Variants in WAPL observed in about 807,000 individuals in gnomAD.
WAPL encodes WAPL cohesin release factor.
WAPL carries 5 observed loss-of-function variants against 121.0 expected under a neutral mutation model. That is an observed-to-expected ratio of 0.04 (90% CI 0.02 to 0.09). The LOEUF is 0.09. Ranked by LOEUF, WAPL falls within the 10% of genes least tolerant of loss-of-function variation. WAPL has a pLI of 1.00. For synonymous variants in WAPL, 480 were observed against 481.5 expected (o/e 1.00, Z 0.04); for missense variants, 999 against 1,410.8 (o/e 0.71, Z 4.68).
chr10:86,457,851 A>G (rs1228603881), intron 12 of WAPL, among the ~76,000 whole-genome samples: 2 of 152,154 alleles, frequency 1.3e-5, no homozygotes, highest in Non-Finnish European at 2.9e-5. Flanking sequence ...CTGGGGTTAT[A>G]TTTTTTAAAA....
intron 2 of WAPL, among the ~76,000 whole-genome samples, chr10:86,510,658 C>T (rs576537284): frequency 6.6e-6 from 1 of 152,206 alleles, no homozygotes; most frequent in African/African-American, 2.4e-5. Context: ...GAGTAAGAAA[C>T]AAAAGTTCTG....
intron 15 of WAPL, among the ~76,000 whole-genome samples, chr10:86,448,314 G>T (rs1840887174): frequency 6.6e-6 from 1 of 152,028 alleles, no homozygotes. Context: ...AGCCAAACGT[G>T]GTGGCATGTG....
At chr10:86,467,826 G>A (rs777519430) in intron 8 of WAPL, among the ~76,000 whole-genome samples, 3 of 151,912 alleles carry the variant, frequency 2.0e-5, no homozygotes, top group Admixed American at 6.6e-5. Context: ...ACTGGTGTGT[G>A]CCACCACGCC....
chr10:86,499,088 T>C (rs368105986), intron 3 of WAPL, among the ~76,000 whole-genome samples: 12 of 152,208 alleles, frequency 7.9e-5, no homozygotes, highest in African/African-American at 2.7e-4. Context: ...ATTTGTCAAG[T>C]GGAAACATCA....
At chr10:86,488,967 G>A (rs117764600) in intron 4 of WAPL, among the ~76,000 whole-genome samples, 1 of 152,338 alleles carries the variant, frequency 6.6e-6, no homozygotes, top group East Asian at 1.9e-4. Flanking sequence ...CAAGTGATCA[G>A]TTAACATCAG....
At position 86,437,481 on chromosome 10, in the gene WAPL, G is replaced by T; in HGVS notation, c.*62C>A. On this transcript the variant is annotated 3_prime_UTR_variant, in exon 19 of 19. Transcript: ENST00000298767. Reference sequence around the variant, plus strand: ...TCTTCAAGGACTTCTTTCATGACTTGACTTTTCTTTGTCTAAGGATAGCTC... The same window carrying T: ...TCTTCAAGGACTTCTTTCATGACTTTACTTTTCTTTGTCTAAGGATAGCTC... 2 of 1,548,378 alleles carry T rather than the reference G, an allele frequency of 1.3e-6. No individual in the cohort carries two copies. Among genetic ancestry groups the T allele is most frequent in the South Asian group, 2.3e-5 (2 of 85,504 alleles).
intron 15 of WAPL, among the ~76,000 whole-genome samples, chr10:86,451,168 T>C (rs562938796): frequency 7.2e-5 from 11 of 152,192 alleles, no homozygotes; most frequent in Admixed American, 5.2e-4. Flanking sequence ...CTTGAACTCC[T>C]GGACTCAAGT....
chr10:86,499,606 A>T, intron 3 of WAPL, 112 bp downstream of exon 3: 1 of 1,042,954 alleles, frequency 9.6e-7, no homozygotes, highest in African/African-American at 1.6e-5. Flanking sequence ...ATTATACTGT[A>T]CTCACCTCTT....
chr10:86,486,301 C>A lies in WAPL; in HGVS notation c.1644+10900G>T, dbSNP rs772446628. 1.7e-3 allele frequency among the ~76,000 whole-genome samples: 259 copies of A among 152,188 alleles called. 1 individual carries two copies. Among genetic ancestry groups the A allele is most frequent in the Non-Finnish European group, 2.9e-3 (200 of 68,040 alleles). ...AAAGGAAGACACTGTGTGGAAGGAACATTTGTTCTTGGGTGAGATGTGGGA... is the reference window on the plus strand; with the variant it reads ...AAAGGAAGACACTGTGTGGAAGGAAAATTTGTTCTTGGGTGAGATGTGGGA... On this transcript the variant is annotated intron_variant, in intron 4 of 18. Coordinates refer to ENST00000298767, the MANE Select transcript of WAPL (RefSeq NM_015045.5).
rs775106709 is a variant in WAPL, at chr10:86,500,726, G to A, written c.517C>T (p.His173Tyr). Residue 173 changes from histidine to tyrosine, a missense_variant, in exon 3 of 19, where the codon CAT becomes TAT. By Grantham distance (83) the His-to-Tyr change is moderately conservative. Transcript: ENST00000298767. ...LITSDKVENF[H>Y]EEHEKNSHHI... ...TGACTATTCTTTTCATGTTCTTCATGAAAATTCTCCACTTTATCTGTAAAA... is the reference window on the plus strand; with the variant it reads ...TGACTATTCTTTTCATGTTCTTCATAAAAATTCTCCACTTTATCTGTAAAA... 1 of 1,563,346 alleles carries A rather than the reference G, an allele frequency of 6.4e-7. No homozygotes were observed.
At chr10:86,455,711 A>G (rs1372314422) in intron 12 of WAPL, among the ~76,000 whole-genome samples, 25 of 127,868 alleles carry the variant, frequency 2.0e-4, no homozygotes, top group African/African-American at 2.9e-4. Context: ...GAAAGAAAAA[A>G]AAAGAAAAAA....
At chr10:86,448,547 A>G (rs1215234617) in intron 15 of WAPL, among the ~76,000 whole-genome samples, 2 of 152,242 alleles carry the variant, frequency 1.3e-5, no homozygotes, top group African/African-American at 4.8e-5. Context: ...AGACACATTA[A>G]GCAAAGAGTG....
At chr10:86,464,744 G>A (rs1006326808) in intron 9 of WAPL, among the ~76,000 whole-genome samples, 7 of 152,164 alleles carry the variant, frequency 4.6e-5, no homozygotes, top group East Asian at 1.9e-4. Flanking sequence ...GCTGATGCAT[G>A]AGAATCATTT....
At position 86,467,520 on chromosome 10, in the gene WAPL, A is replaced by G; in HGVS notation, c.2143-14T>C. 1.9e-6 allele frequency: 3 copies of G among 1,577,830 alleles called. No homozygotes were observed. Among genetic ancestry groups the G allele is most frequent in the Non-Finnish European group, 2.6e-6 (3 of 1,165,708 alleles). On this transcript the variant is annotated splice_polypyrimidine_tract_variant and intron_variant, in intron 8 of 18. Transcript: ENST00000298767. ...GAGGGACAGATTCTTCAACAGGCCA[A>G]AAAAAGAAAAGAAAAAAAACTTCAT...
chr10:86,499,629 T>G, intron 3 of WAPL, 89 bp downstream of exon 3: 1 of 1,355,990 alleles, frequency 7.4e-7, no homozygotes, highest in South Asian at 1.5e-5. Context: ...CAGAATATGG[T>G]TGACCTTGGG....
intron 12 of WAPL, among the ~76,000 whole-genome samples, 179 bp from the exon 13 acceptor site, chr10:86,454,010 A>G (rs1841069538): frequency 6.6e-6 from 1 of 152,246 alleles, no homozygotes; most frequent in Non-Finnish European, 1.5e-5. Context: ...AGAAGTTTAT[A>G]TCTGTACTAT....
chr10:86,507,190 A>T (rs1842368548), intron 2 of WAPL, among the ~76,000 whole-genome samples: 1 of 151,632 alleles, frequency 6.6e-6, no homozygotes, highest in Admixed American at 6.6e-5. Flanking sequence ...CAATATAGTG[A>T]AACCCCGTCT....
intron 2 of WAPL, among the ~76,000 whole-genome samples, chr10:86,501,315 G>A (rs1842242579): frequency 6.6e-6 from 1 of 152,166 alleles, no homozygotes; most frequent in African/African-American, 2.4e-5. Flanking sequence ...TGGTGTGTTA[G>A]TTAAATGGCT....
intron 3 of WAPL, among the ~76,000 whole-genome samples, chr10:86,498,049 C>T (rs1284451538): frequency 1.3e-5 from 2 of 152,180 alleles, no homozygotes; most frequent in Non-Finnish European, 2.9e-5. Flanking sequence ...GGTAGATCAA[C>T]CAAATGGCCT....
Sources: gnomAD v4.1 joint callset for allele counts (sites outside exome capture counted in the v4.1 genomes callset) on GRCh38, gnomAD v4.1.1 for gene constraint, MANE v1.5 for transcripts, NCBI Gene and HGNC (gene_info 2026-07-23, HGNC 2026-07-21) for gene names.